The following LRFN1 variants were observed in gnomAD, a reference collection of about 807,000 sequenced individuals.
The protein encoded by LRFN1 is leucine rich repeat and fibronectin type III domain containing 1.
LRFN1 carries 20 observed loss-of-function variants against 31.8 expected under a neutral mutation model. The ratio of observed to expected loss-of-function variants is 0.63; its 90% CI spans 0.44 to 0.91. LRFN1 has a LOEUF of 0.91. Ranked by LOEUF, LRFN1 falls within the 40% of genes least tolerant of loss-of-function variation. The probability of loss-of-function intolerance (pLI) is 0.00; values close to 1 mark genes in which losing one functional copy is unlikely to be tolerated. For missense variants in LRFN1, 912 were observed against 1,129.8 expected (o/e 0.81, Z 2.76); for synonymous variants, 514 against 541.3 (o/e 0.95, Z 0.70).
chr19:39,316,192 G>A (rs1485257698), intron 2 of LRFN1, 56 bp from the exon 3 acceptor site: 2 of 152,030 alleles, frequency 1.3e-5, no homozygotes, highest in African/African-American at 4.8e-5. Flanking sequence ...ATGTATTGAT[G>A]AACATAGCAT....
At position 39,314,599 on chromosome 19, in the gene LRFN1, G is replaced by A. The variant is rs551245098; in HGVS notation, c.738C>T (p.Thr246=). 2 of 1,609,774 alleles carry A rather than the reference G, an allele frequency of 1.2e-6. No individual in the cohort carries two copies. The highest frequency in any genetic ancestry group is 1.7e-5 in the Admixed American group (1 of 59,220). Residue 246 remains threonine (T), a synonymous_variant, in exon 4 of 5, where the codon ACC becomes ACT. Coordinates refer to ENST00000248668, the MANE Select transcript of LRFN1 (RefSeq NM_020862.2). ...GTGPKPPTPL[T]VSFGGNPLHC... ...GCAGGGGGTTGCCGCCGAAGCTGAC[G>A]GTCAGCGGGGTGGGCGGCTTGGGCC... is the stretch of plus-strand genomic sequence containing the variant.
rs868833617 is a variant in LRFN1, at chr19:39,317,285, C to T, written c.-93+1041G>A. ...GAGAGTAAGAGAGACAATGACCGGG[C>T]TGAAGGCGGAAAAAGAGGCCGGATC... On this transcript the variant is annotated intron_variant, in intron 2 of 4. Transcript: ENST00000248668. 7.2e-5 allele frequency among the ~76,000 whole-genome samples: 11 copies of T among 152,190 alleles called. No individual in the cohort carries two copies. In the South Asian group the frequency reaches 1.2e-3, roughly 17 times the overall value.
intron 4 of LRFN1, among the ~76,000 whole-genome samples, chr19:39,310,865 T>G (rs1046042690): frequency 6.6e-6 from 1 of 151,934 alleles, no homozygotes; most frequent in African/African-American, 2.4e-5. Context: ...AGAGCCACCC[T>G]CCCACCAAAA....
intron 4 of LRFN1, among the ~76,000 whole-genome samples, chr19:39,312,403 G>C (rs1391299263): frequency 6.6e-6 from 1 of 152,100 alleles, no homozygotes; most frequent in East Asian, 1.9e-4. Context: ...GCTCTACAAT[G>C]TGCATGAGGG....
rs910270595 is a variant in LRFN1 at position 39,314,015 on chromosome 19, C to T, written c.1322G>A (p.Arg441His). The change falls in exon 4 of 5, where the codon CGC (arginine) becomes CAC (histidine). Residue 441 changes from arginine to histidine, a missense_variant. Around this residue, in one of 2 missense-constraint regions of LRFN1, gnomAD observed 511 missense variants for 557.0 expected, o/e 0.92. Coordinates refer to ENST00000248668, the MANE Select transcript of LRFN1 (RefSeq NM_020862.2). ...GGGCACAGGCCTCTGGGCTGGCCAG[C>T]GGATGAGCACGGAGTTCGAGGTGAG... is the stretch of plus-strand genomic sequence containing the variant. ...AELTSNSVLI[R>H]WPAQRPVPGI... is the part of the protein sequence containing the mutation. 4.3e-6 allele frequency: 7 copies of T among 1,611,472 alleles called. No individual in the cohort carries two copies. The highest frequency in any genetic ancestry group is 1.3e-5 in the African/African-American group (1 of 74,936).
chr19:39,317,724 T>G (rs1396892444), intron 2 of LRFN1, among the ~76,000 whole-genome samples: 3 of 152,124 alleles, frequency 2.0e-5, no homozygotes, highest in Non-Finnish European at 4.4e-5. Context: ...ACCCACCTCA[T>G]AAGGTTGCTA....
chr19:39,307,867 G>A lies in LRFN1; in HGVS notation c.2082C>T (p.Ala694=), dbSNP rs765583425. 1 of 1,525,424 alleles carries A rather than the reference G, an allele frequency of 6.6e-7. No individual in the cohort carries two copies. The allele number at this position is 1,525,424 out of a possible 1,614,324, so 94.5% of individuals were successfully genotyped here. Residue 694 remains alanine (A), a synonymous_variant, in exon 5 of 5, where the codon GCC becomes GCT. Coordinates refer to ENST00000248668, the MANE Select transcript of LRFN1 (RefSeq NM_020862.2). This position sits in a 1 kb window ranked among gnomAD's most constrained non-coding sequence, Gnocchi z 6.7. ...PPTLALVPGG[A]AARPRPQQRY... ...GCTGCTGCGGCCTCGGCCGGGCCGCGGCTCCCCCAGGAACTAGAGCTAGAG... is the reference window on the plus strand; with the variant it reads ...GCTGCTGCGGCCTCGGCCGGGCCGCAGCTCCCCCAGGAACTAGAGCTAGAG...
Position 39,315,492 on chromosome 19 carries a change from G to A in LRFN1, c.-37-119C>T. ...ACAGCTGGGTTCCATAGGATGGTGA[G>A]AGGAAGCCACTATCAGCTATTAACA... On this transcript the variant is annotated intron_variant, in intron 3 of 4. Transcript: ENST00000248668. This position sits in a 1 kb window ranked among gnomAD's most constrained non-coding sequence, Gnocchi z 4.7. The A allele has an allele frequency of 3.2e-6, 2 of 632,702 alleles. No individual in the cohort carries two copies. Among genetic ancestry groups the A allele is most frequent in the Admixed American group, 3.1e-5 (1 of 32,204 alleles). The allele number at this position is 632,702 out of a possible 1,614,324, so 39.2% of individuals were successfully genotyped here. A position where few individuals can be genotyped will look rare whatever the true frequency, so the allele number is the denominator to read the frequency against.
chr19:39,319,364 GAC>G (rs2075181022), intron 1 of LRFN1, among the ~76,000 whole-genome samples: 1 of 151,792 alleles, frequency 6.6e-6, no homozygotes, highest in Non-Finnish European at 1.5e-5. Flanking sequence ...TAAATGCCTA[GAC>G]ACACTCATAC....
In LRFN1 at chr19:39,313,992, G is replaced by T; in HGVS notation, c.1345C>A (p.Pro449Thr). 6.2e-7 allele frequency: 1 copy of T among 1,610,324 alleles called. No homozygotes were observed. The change falls in exon 4 of 5, where the codon CCC becomes ACC. Residue 449 changes from proline (P) to threonine (T), a missense_variant. Pro to Thr is a conservative substitution (Grantham distance 38). Around this residue, in one of 2 missense-constraint regions of LRFN1, gnomAD observed 511 missense variants for 557.0 expected, o/e 0.92. Transcript: ENST00000248668. ...LIRWPAQRPV[P>T]GIRMYQVQYN... ...TGAACCTGGTACATGCGTATTCCGG[G>T]CACAGGCCTCTGGGCTGGCCAGCGG...
At position 39,307,840 on chromosome 19, in the gene LRFN1, G is replaced by T; in HGVS notation, c.2109C>A (p.Arg703=). 6.6e-7 allele frequency: 1 copy of T among 1,513,482 alleles called. No homozygotes were observed. The allele number at this position is 1,513,482 out of a possible 1,614,324, so 93.8% of individuals were successfully genotyped here. A position where few individuals can be genotyped will look rare whatever the true frequency, so the allele number is the denominator to read the frequency against. The stretch of plus-strand genomic sequence containing the variant: ...CCCCGTAGTCCCCGTCGAACGAATA[G>T]CGCTGCTGCGGCCTCGGCCGGGCCG... ...GAAARPRPQQ[R]YSFDGDYGAL... Residue 703 remains arginine (R), a synonymous_variant, in exon 5 of 5, where the codon CGC becomes CGA. Transcript: ENST00000248668. This position sits in a 1 kb window ranked among gnomAD's most constrained non-coding sequence, Gnocchi z 6.7.
At position 39,314,966 on chromosome 19, in the gene LRFN1, C is replaced by A; in HGVS notation, c.371G>T (p.Arg124Leu). The change falls in exon 4 of 5, where the codon CGC becomes CTC. Residue 124 changes from arginine (R) to leucine (L), a missense_variant. Arg to Leu is a moderately radical substitution (Grantham distance 102, BLOSUM62 -2). This residue lies in a region of LRFN1 where 401 missense variants were observed against 572.7 expected (regional missense o/e 0.70). Coordinates refer to ENST00000248668, the MANE Select transcript of LRFN1 (RefSeq NM_020862.2). ...ALRALHLDSNRLAEVRGDQLR... is the reference protein window; with the variant it reads ...ALRALHLDSNLLAEVRGDQLR... ...CTGGTCGCCGCGCACCTCCGCCAGG[C>A]GGTTGCTGTCCAGGTGCAGGGCCCG... is the stretch of plus-strand genomic sequence containing the variant. 2 of 1,592,400 alleles carry A rather than the reference C, an allele frequency of 1.3e-6. No individual in the cohort carries two copies. Among genetic ancestry groups the A allele is most frequent in the Admixed American group, 1.7e-5 (1 of 57,792 alleles).
chr19:39,307,131 G>A lies in LRFN1; in HGVS notation c.*502C>T, dbSNP rs1331699164. ...CAAACGAGGGAAACAGAGAAAGGGG[G>A]ACCCCAAGCCAGACCCGACCGGACC... On this transcript the variant is annotated 3_prime_UTR_variant, in exon 5 of 5. Transcript: ENST00000248668. The surrounding 1 kb of genome is among the most constrained non-coding windows in gnomAD (Gnocchi z 6.7). 1.3e-5 allele frequency: 5 copies of A among 396,662 alleles called. No homozygotes were observed. The highest frequency in any genetic ancestry group is 2.2e-5 in the Non-Finnish European group (5 of 225,492). The allele number at this position is 396,662 out of a possible 1,614,324, so 24.6% of individuals were successfully genotyped here.
intron 4 of LRFN1, among the ~76,000 whole-genome samples, chr19:39,309,755 T>C (rs776933541): frequency 1.3e-5 from 2 of 152,168 alleles, no homozygotes; most frequent in Non-Finnish European, 2.9e-5. Context: ...CAAATCACGC[T>C]ACCAGGTAAG....
At chr19:39,313,768 CAGTG>C (rs908811268) in intron 4 of LRFN1, among the ~76,000 whole-genome samples, 159 bp downstream of exon 4, 45 of 152,256 alleles carry the variant, frequency 3.0e-4, no homozygotes, top group African/African-American at 1.1e-3. Flanking sequence ...AAAACAGAGA[CAGTG>C]AGAAATAGAG....
At chr19:39,317,410 A>T (rs906351035) in intron 2 of LRFN1, among the ~76,000 whole-genome samples, 14 of 151,970 alleles carry the variant, frequency 9.2e-5, no homozygotes, top group African/African-American at 3.4e-4. Context: ...AGAAAGGGGG[A>T]CTCCAGAATT....
chr19:39,307,426 G>C lies in LRFN1; in HGVS notation c.*207C>G. ...GGAGTCCATAGGGGAAGGGAGGCCG[G>C]CAGCCGGTCCCCGAACCCCGCCCTG... On this transcript the variant is annotated 3_prime_UTR_variant, in exon 5 of 5. Transcript: ENST00000248668. The surrounding 1 kb of genome is among the most constrained non-coding windows in gnomAD (Gnocchi z 6.7). 2.1e-6 allele frequency: 1 copy of C among 474,358 alleles called. No homozygotes were observed. The highest frequency in any genetic ancestry group is 3.5e-6 in the Non-Finnish European group (1 of 284,540). The allele number at this position is 474,358 out of a possible 1,614,324, so 29.4% of individuals were successfully genotyped here.
intron 1 of LRFN1, among the ~76,000 whole-genome samples, chr19:39,319,110 G>T (rs1180480161): frequency 6.6e-6 from 1 of 152,120 alleles, no homozygotes; most frequent in South Asian, 2.1e-4. Flanking sequence ...TCACAACATA[G>T]ATGGATACAT....
At chr19:39,313,861 A>C in intron 4 of LRFN1, 70 bp downstream of exon 4, 3 of 1,422,130 alleles carry the variant, frequency 2.1e-6, no homozygotes, top group Non-Finnish European at 2.9e-6. Context: ...GGCCAAGGGA[A>C]TGGGCAGGTG....
Sources: allele counts gnomAD v4.1 joint callset (sites outside exome capture counted in the v4.1 genomes callset), GRCh38; gene constraint gnomAD v4.1.1; regional missense constraint gnomAD v4.1.1; non-coding constraint Gnocchi (gnomAD v3.1); transcripts MANE v1.5; gene names NCBI Gene and HGNC (gene_info 2026-07-23, HGNC 2026-07-21).